AUTS2: variants seen among roughly 807,000 people sequenced by gnomAD.
AUTS2 encodes activator of transcription and developmental regulator AUTS2, also known as autism susceptibility gene 2 protein.
A neutral mutation model predicts 112.4 loss-of-function variants in AUTS2; 17 were observed. The observed-to-expected ratio is 0.15, with a 90% CI of 0.10 to 0.23. AUTS2 has a LOEUF of 0.23. Ranked by LOEUF, AUTS2 falls within the 10% of genes least tolerant of loss-of-function variation. The pLI is 1.00. For synonymous variants in AUTS2, 751 were observed against 702.7 expected, an observed-to-expected ratio of 1.07 and a Z score of -1.09; for missense variants, 1,510 against 1,701.6, an observed-to-expected ratio of 0.89 and a Z score of 1.98.
At chr7:69,751,841 A>G (rs1194373780) in intron 1 of AUTS2, among the ~76,000 whole-genome samples, 1 of 152,136 alleles carries the variant, frequency 6.6e-6, no homozygotes, top group Non-Finnish European at 1.5e-5. Flanking sequence ...TACTTTATCT[A>G]GCATTTTTGT....
chr7:69,711,696 C>G (rs1226050021), intron 1 of AUTS2, among the ~76,000 whole-genome samples: 1 of 152,114 alleles, frequency 6.6e-6, no homozygotes, highest in Non-Finnish European at 1.5e-5. Context: ...GGGAAAATAA[C>G]CAATCAAATT....
At chr7:70,601,322 AT>A (rs371527506) in intron 5 of AUTS2, among the ~76,000 whole-genome samples, 19 of 152,214 alleles carry the variant, frequency 1.2e-4, no homozygotes, top group African/African-American at 4.1e-4. Flanking sequence ...TACATCTGCT[AT>A]GGAGAAATGT....
chr7:70,417,978 G>T (rs1219415871), intron 4 of AUTS2, among the ~76,000 whole-genome samples: 1 of 152,068 alleles, frequency 6.6e-6, no homozygotes, highest in African/African-American at 2.4e-5. Context: ...GGAGGCTAAG[G>T]ATCATTTGGA....
chr7:70,493,185 G>A (rs1798317566), intron 5 of AUTS2, among the ~76,000 whole-genome samples: 1 of 152,166 alleles, frequency 6.6e-6, no homozygotes, highest in Admixed American at 6.5e-5. Context: ...CACTTCCAAA[G>A]AGAGGGTACT....
chr7:70,782,137 G>A (rs763081728), intron 15 of AUTS2: 38 of 198,470 alleles, frequency 1.9e-4, no homozygotes, highest in Non-Finnish European at 2.6e-4. Context: ...CCCTTAATAC[G>A]GTGCCCGCAG....
chr7:69,720,360 A>G (rs994377377), intron 1 of AUTS2, among the ~76,000 whole-genome samples: 5 of 152,192 alleles, frequency 3.3e-5, no homozygotes, highest in Non-Finnish European at 7.4e-5. Flanking sequence ...TCAAGATTCT[A>G]TGATGGGAGT....
At chr7:69,928,250 G>GA (rs1796098118) in intron 2 of AUTS2, among the ~76,000 whole-genome samples, 1 of 152,078 alleles carries the variant, frequency 6.6e-6, no homozygotes, top group South Asian at 2.1e-4. Context: ...GGTGGGCCTG[G>GA]AAAAAGCACC....
intron 5 of AUTS2, among the ~76,000 whole-genome samples, chr7:70,496,881 C>T (rs1251942635): frequency 2.0e-4 from 26 of 133,034 alleles, no homozygotes; most frequent in South Asian, 1.1e-3. Context: ...CACATGCACA[C>T]GTCACATCAG....
At chr7:69,710,519 A>T (rs915976419) in intron 1 of AUTS2, among the ~76,000 whole-genome samples, 2 of 152,196 alleles carry the variant, frequency 1.3e-5, no homozygotes, top group Non-Finnish European at 2.9e-5. Flanking sequence ...TTGAGTACCT[A>T]TCTTTATGAG....
chr7:70,280,548 G>A (rs1312735787), intron 4 of AUTS2, among the ~76,000 whole-genome samples: 2 of 150,344 alleles, frequency 1.3e-5, no homozygotes, highest in African/African-American at 2.5e-5. Context: ...CACCTGCCTC[G>A]GCCTCGTAAA....
rs538969711 is a variant in AUTS2 at position 70,426,553 on chromosome 7, C to T, written c.661-9199C>T. 5.9e-5 allele frequency among the ~76,000 whole-genome samples: 9 copies of T among 152,268 alleles called. No individual in the cohort carries two copies. The East Asian group carries it at 1.4e-3, about 23-fold the overall frequency. ...TTTCTGAGTGTCTCATTTAACGGCA[C>T]CTGTGAAACCGACAGGCACAGAGAT... is the stretch of plus-strand genomic sequence containing the variant. On this transcript the variant is annotated intron_variant, in intron 4 of 18. Coordinates refer to ENST00000342771, the MANE Select transcript of AUTS2 (RefSeq NM_015570.4).
At chr7:69,729,466 C>T (rs943827050) in intron 1 of AUTS2, among the ~76,000 whole-genome samples, 3 of 119,442 alleles carry the variant, frequency 2.5e-5, no homozygotes, top group Non-Finnish European at 4.8e-5. Context: ...TTATATGTCA[C>T]GTGAACATCA....
chr7:70,041,292 G>A (rs1430272036), intron 2 of AUTS2, among the ~76,000 whole-genome samples: 1 of 152,104 alleles, frequency 6.6e-6, no homozygotes, highest in Non-Finnish European at 1.5e-5. Context: ...ACTAATTTTA[G>A]TATTTTTGTT....
At chr7:70,639,797 G>A (rs1805719318) in intron 5 of AUTS2, among the ~76,000 whole-genome samples, 1 of 151,682 alleles carries the variant, frequency 6.6e-6, no homozygotes, top group Non-Finnish European at 1.5e-5. Flanking sequence ...ATAAGGCCGA[G>A]TTCAGCACTG....
At chr7:70,721,083 T>TTAATAA (rs35640413) in intron 6 of AUTS2, among the ~76,000 whole-genome samples, 29 of 150,434 alleles carry the variant, frequency 1.9e-4, no homozygotes, top group African/African-American at 3.4e-4. Context: ...ATTGAGTTTT[T>TTAATAA]TAATAATAAT....
At chr7:69,930,130 G>T (rs1796172002) in intron 2 of AUTS2, among the ~76,000 whole-genome samples, 1 of 152,158 alleles carries the variant, frequency 6.6e-6, no homozygotes, top group Non-Finnish European at 1.5e-5. Flanking sequence ...TGAAGTATGA[G>T]TTTTTTAGTC....
At chr7:70,372,242 C>T (rs78993462) in intron 4 of AUTS2, among the ~76,000 whole-genome samples, 2 of 152,260 alleles carry the variant, frequency 1.3e-5, no homozygotes, top group Non-Finnish European at 2.9e-5. Flanking sequence ...CCAACCTGGC[C>T]AGAGATGGCT....
chr7:70,687,585 A>G (rs935753653), intron 5 of AUTS2, among the ~76,000 whole-genome samples: 21 of 152,148 alleles, frequency 1.4e-4, no homozygotes, highest in African/African-American at 1.7e-4. Context: ...CTGTGTCTCA[A>G]TGGTATGCAT....
At chr7:70,155,608 A>G (rs2129576738) in intron 4 of AUTS2, among the ~76,000 whole-genome samples, 1 of 152,060 alleles carries the variant, frequency 6.6e-6, no homozygotes, top group South Asian at 2.1e-4. Context: ...CCTTATCTTT[A>G]CTAGAAATCA....
Sources: allele counts gnomAD v4.1 joint callset (sites outside exome capture counted in the v4.1 genomes callset), GRCh38; gene constraint gnomAD v4.1.1; transcripts MANE v1.5; gene names NCBI Gene and HGNC (gene_info 2026-07-23, HGNC 2026-07-21).